WDR27: variants seen among roughly 807,000 people sequenced by gnomAD.
WDR27 encodes the protein WD repeat domain 27, also known as WD repeat-containing protein 27.
Under a neutral mutation model 114.4 loss-of-function variants are expected in WDR27, and 100 were observed. That is an observed-to-expected ratio of 0.87 (90% CI 0.74 to 1.03). The LOEUF (loss-of-function observed/expected upper bound fraction) is 1.03. WDR27 is among the 50% of genes least tolerant of loss of function. WDR27 has a pLI of 0.00. For missense variants in WDR27, 1,129 were observed against 1,092.9 expected, an observed-to-expected ratio of 1.03 and a Z score of -0.47; for synonymous variants, 449 against 423.1, an observed-to-expected ratio of 1.06 and a Z score of -0.75.
chr6:169,621,719 TAC>T (rs1162261896), intron 21 of WDR27, among the ~76,000 whole-genome samples: 3 of 147,320 alleles, frequency 2.0e-5, no homozygotes, highest in African/African-American at 7.6e-5. Context: ...TTCACGCATA[TAC>T]ACATTCACAC....
Position 169,598,391 on chromosome 6 carries a change from A to G in WDR27, c.2424+3828T>C, listed in dbSNP as rs1010765347. Among the ~76,000 whole-genome samples the G allele has an allele frequency of 2.0e-5, 3 of 152,184 alleles. No homozygotes were observed. In the East Asian group the frequency reaches 5.8e-4, roughly 29 times the overall value. ...CAAGGCTTCCCTTCTGCATAATCACACAGCACAAGGTGAAAGGGCCTAGAG... is the reference window on the plus strand; with the variant it reads ...CAAGGCTTCCCTTCTGCATAATCACGCAGCACAAGGTGAAAGGGCCTAGAG... On this transcript the variant is annotated intron_variant, in intron 23 of 25. Transcript: ENST00000448612.
At chr6:169,657,622 G>T (rs1257757670) in intron 13 of WDR27, 1 of 152,420 alleles carries the variant, frequency 6.6e-6, no homozygotes, top group East Asian at 1.9e-4. Context: ...AGGGAAAAAA[G>T]AATTATCAGT....
At chr6:169,576,626 G>A (rs1802380726) in intron 24 of WDR27, among the ~76,000 whole-genome samples, 1 of 151,898 alleles carries the variant, frequency 6.6e-6, no homozygotes, top group Non-Finnish European at 1.5e-5. Context: ...CATGAGCCAG[G>A]TGGGGTGGTG....
chr6:169,472,245 C>A (rs1786516892), intron 25 of WDR27, among the ~76,000 whole-genome samples: 1 of 152,136 alleles, frequency 6.6e-6, no homozygotes, highest in Non-Finnish European at 1.5e-5. Context: ...ACAGGCAATG[C>A]CCTGAGTCTG....
At chr6:169,438,508 A>G in the WDR27 span, among the ~76,000 whole-genome samples, 1 of 152,130 alleles carries the variant, frequency 6.6e-6, no homozygotes, top group South Asian at 2.1e-4. Flanking sequence ...AAGTGCTGGG[A>G]TTACAGGCGT....
intron 25 of WDR27, among the ~76,000 whole-genome samples, chr6:169,500,320 G>A (rs1432723083): frequency 6.6e-6 from 1 of 152,138 alleles, no homozygotes; most frequent in Non-Finnish European, 1.5e-5. Flanking sequence ...TTCCAAATGA[G>A]GTCTGTACTA....
chr6:169,578,557 C>G (rs1308218222), intron 24 of WDR27, among the ~76,000 whole-genome samples: 1 of 152,102 alleles, frequency 6.6e-6, no homozygotes, highest in African/African-American at 2.4e-5. Context: ...ATAGAAGCTC[C>G]CAGGGGGGCG....
intron 25 of WDR27, among the ~76,000 whole-genome samples, chr6:169,472,387 C>A (rs1370914189): frequency 6.6e-6 from 1 of 152,118 alleles, no homozygotes; most frequent in Non-Finnish European, 1.5e-5. Context: ...AGTTTCTGTG[C>A]AGTGATTACA....
chr6:169,479,666 C>T (rs1787679787), intron 25 of WDR27, among the ~76,000 whole-genome samples: 1 of 152,216 alleles, frequency 6.6e-6, no homozygotes, highest in Non-Finnish European at 1.5e-5. Flanking sequence ...TGCACATTAG[C>T]TGCTTTATAA....
At position 169,548,284 on chromosome 6, in the gene WDR27, C is replaced by G. The variant is rs555723317; in HGVS notation, c.2645+24135G>C. ...TTCGATCTACACATTCAGTGCAACC[C>G]CAATCAAAAGTGCAGCTAATTATTT... On this transcript the variant is annotated intron_variant, in intron 25 of 25. Transcript: ENST00000448612. Among the ~76,000 whole-genome samples the G allele has an allele frequency of 5.1e-4, 77 of 152,170 alleles. No individual in the cohort carries two copies. In the South Asian group the frequency reaches 7.5e-3, roughly 15 times the overall value.
intron 25 of WDR27, among the ~76,000 whole-genome samples, chr6:169,566,771 G>T (rs946174177): frequency 2.0e-5 from 3 of 152,140 alleles, no homozygotes; most frequent in Non-Finnish European, 4.4e-5. Flanking sequence ...CCAGTGTGGG[G>T]GATTCGGACA....
At chr6:169,548,684 T>C (rs1308004704) in intron 25 of WDR27, among the ~76,000 whole-genome samples, 2 of 152,164 alleles carry the variant, frequency 1.3e-5, no homozygotes, top group East Asian at 3.8e-4. Flanking sequence ...GACAGTGCTG[T>C]GTTGGAAAAA....
At position 169,691,695 on chromosome 6, in the gene WDR27, T is replaced by C. The variant is rs144262191; in HGVS notation, c.-7-2683A>G. On this transcript the variant is annotated intron_variant, in intron 1 of 25. Transcript: ENST00000448612. ...ATCTTATTCTCTTCTGTAATTCCTA[T>C]AGAATTCAGCAGCATTTTACAAATA... is the stretch of plus-strand genomic sequence containing the variant. Among the ~76,000 whole-genome samples, 693 of 152,372 alleles carry C rather than the reference T, an allele frequency of 4.5e-3. 4 individuals are homozygous for C. The highest frequency in any genetic ancestry group is 0.016 in the African/African-American group (649 of 41,588).
chr6:169,601,116 G>A (rs952222560), intron 23 of WDR27, among the ~76,000 whole-genome samples: 2 of 152,154 alleles, frequency 1.3e-5, no homozygotes, highest in South Asian at 2.1e-4. Flanking sequence ...CTGATCTCTC[G>A]GGAGAAACTC....
At chr6:169,576,990 T>A (rs1802465928) in intron 24 of WDR27, among the ~76,000 whole-genome samples, 1 of 151,718 alleles carries the variant, frequency 6.6e-6, no homozygotes, top group South Asian at 2.1e-4. Context: ...TATACATTCG[T>A]GAATCATACA....
intron 21 of WDR27, among the ~76,000 whole-genome samples, chr6:169,616,470 G>A (rs1250084379): frequency 6.6e-6 from 1 of 152,080 alleles, no homozygotes; most frequent in Non-Finnish European, 1.5e-5. Flanking sequence ...CCTGGCGATA[G>A]AGCAAGACTC....
At chr6:169,508,806 T>G (rs1792357520) in intron 25 of WDR27, among the ~76,000 whole-genome samples, 2 of 152,250 alleles carry the variant, frequency 1.3e-5, no homozygotes. Flanking sequence ...AGAAAATATT[T>G]GAATCTATCA....
chr6:169,471,643 G>A (rs192336368), intron 25 of WDR27, among the ~76,000 whole-genome samples: 3 of 152,306 alleles, frequency 2.0e-5, no homozygotes, highest in Admixed American at 1.3e-4. Flanking sequence ...ACTTATTAGA[G>A]TAAGTATTCC....
intron 8 of WDR27, among the ~76,000 whole-genome samples, chr6:169,662,670 T>C (rs1189225024): frequency 1.3e-4 from 15 of 115,186 alleles, no homozygotes; most frequent in African/African-American, 3.4e-4. Context: ...CCGCGGAGCA[T>C]TCGGATCACG....
Sources: allele counts gnomAD v4.1 joint callset (sites outside exome capture counted in the v4.1 genomes callset), GRCh38; gene constraint gnomAD v4.1.1; transcripts MANE v1.5; gene names NCBI Gene and HGNC (gene_info 2026-07-23, HGNC 2026-07-21).